The following SLC30A6 variants were observed in gnomAD, a reference collection of about 807,000 sequenced individuals.
SLC30A6 encodes zinc transporter 6.
SLC30A6 carries 55 observed loss-of-function variants against 63.0 expected under a neutral mutation model. The ratio of observed to expected loss-of-function variants is 0.87; its 90% CI spans 0.70 to 1.09. SLC30A6 has a LOEUF of 1.09. SLC30A6 is among the 50% of genes least tolerant of loss of function. The pLI, the probability that SLC30A6 is intolerant of heterozygous loss-of-function variation, is 0.00. For missense variants in SLC30A6, 587 were observed against 549.2 expected (o/e 1.07, Z -0.69); for synonymous variants, 224 against 186.1 (o/e 1.20, Z -1.66).
chr2:32,200,469 A>G (rs1684188974), intron 10 of SLC30A6, among the ~76,000 whole-genome samples: 2 of 151,572 alleles, frequency 1.3e-5, no homozygotes, highest in South Asian at 4.2e-4. Context: ...CTGTGTAGAA[A>G]GAAGTAGACA....
intron 1 of SLC30A6, among the ~76,000 whole-genome samples, chr2:32,169,338 T>C (rs995195320): frequency 6.6e-6 from 1 of 152,056 alleles, no homozygotes; most frequent in African/African-American, 2.4e-5. Context: ...CTGGCTAATT[T>C]TTTTCTTTTC....
At position 32,197,723 on chromosome 2, in the gene SLC30A6, C is replaced by G. The variant is rs765752469; in HGVS notation, c.562C>G (p.Pro188Ala). ...TTTTCTTAGCTTGTGTGGAATTATTCCGGGACTTAGCAGTATCTTCCTTCC... is the reference window on the plus strand; with the variant it reads ...TTTTCTTAGCTTGTGTGGAATTATTGCGGGACTTAGCAGTATCTTCCTTCC... ...DLSRSLCGII[P>A]GLSSIFLPRM... Residue 188 changes from proline to alanine, a missense_variant, in exon 10 of 14, where the codon CCG becomes GCG. Coordinates refer to ENST00000282587, the MANE Select transcript of SLC30A6 (RefSeq NM_017964.5). 3 of 1,613,930 alleles carry G rather than the reference C, an allele frequency of 1.9e-6. No homozygotes were observed. Among genetic ancestry groups the G allele is most frequent in the Non-Finnish European group, 2.5e-6 (3 of 1,179,998 alleles).
intron 7 of SLC30A6, among the ~76,000 whole-genome samples, chr2:32,193,674 A>G (rs1045538281): frequency 6.6e-6 from 1 of 152,210 alleles, no homozygotes; most frequent in Non-Finnish European, 1.5e-5. Flanking sequence ...TGTTAATGCT[A>G]AAAGTCCTTA....
intron 1 of SLC30A6, among the ~76,000 whole-genome samples, chr2:32,167,447 G>A (rs1488382276): frequency 6.7e-6 from 1 of 149,518 alleles, no homozygotes; most frequent in Admixed American, 6.7e-5. Context: ...ACAGTGAATA[G>A]CTTGCAAATC....
At chr2:32,193,445 G>C (rs1683514720) in intron 7 of SLC30A6, among the ~76,000 whole-genome samples, 2 of 151,912 alleles carry the variant, frequency 1.3e-5, no homozygotes, top group African/African-American at 4.8e-5. Context: ...CATATATATT[G>C]CAACTATGTG....
chr2:32,204,712 G>A lies in SLC30A6; in HGVS notation c.768+20G>A. The A allele has an allele frequency of 6.7e-7, 1 of 1,490,986 alleles. No homozygotes were observed. The highest frequency in any genetic ancestry group is 1.2e-5 in the South Asian group (1 of 83,678). 92.4% of individuals were successfully genotyped at this position (1,490,986 alleles called of 1,614,324 possible). On this transcript the variant is annotated intron_variant, in intron 11 of 13. Transcript: ENST00000282587. ...CTCCAGGTAAGGTGCTTCTTCCAATGCACGTGCTTAATATTAGCCATGTTC... is the reference window on the plus strand; with the variant it reads ...CTCCAGGTAAGGTGCTTCTTCCAATACACGTGCTTAATATTAGCCATGTTC...
intron 1 of SLC30A6, among the ~76,000 whole-genome samples, chr2:32,170,035 T>A (rs1681056000): frequency 6.6e-6 from 1 of 152,150 alleles, no homozygotes; most frequent in Non-Finnish European, 1.5e-5. Context: ...TTTTTTTCAG[T>A]TTGACCTTCT....
At chr2:32,187,011 A>G (rs1682886743) in intron 5 of SLC30A6, 3 of 356,524 alleles carry the variant, frequency 8.4e-6, no homozygotes, top group South Asian at 4.4e-5. Flanking sequence ...AAAAAAAAAA[A>G]AAAAGAAAGA....
chr2:32,182,415 T>C (rs1013994762), intron 4 of SLC30A6, among the ~76,000 whole-genome samples: 2 of 152,210 alleles, frequency 1.3e-5, no homozygotes, highest in Non-Finnish European at 2.9e-5. Flanking sequence ...AACCCTGTCA[T>C]GATGAGTGTG....
chr2:32,181,354 A>T (rs1430047565), intron 4 of SLC30A6, among the ~76,000 whole-genome samples: 1 of 152,192 alleles, frequency 6.6e-6, no homozygotes, highest in African/African-American at 2.4e-5. Flanking sequence ...ATGTACTGTA[A>T]GTTGTAAGAC....
At chr2:32,181,928 CTTTTCTT>C (rs1168314119) in intron 4 of SLC30A6, among the ~76,000 whole-genome samples, 2 of 138,274 alleles carry the variant, frequency 1.4e-5, no homozygotes, top group African/African-American at 5.4e-5. Context: ...TTTCGTTTTT[CTTTTCTT>C]TTTTTTTTTT....
At chr2:32,213,451 T>C (rs1685429444) in intron 13 of SLC30A6, among the ~76,000 whole-genome samples, 1 of 152,138 alleles carries the variant, frequency 6.6e-6, no homozygotes, top group Non-Finnish European at 1.5e-5. Flanking sequence ...GCTTTTCTCA[T>C]ATTGGCTGTC....
At chr2:32,185,028 T>G (rs554814607) in intron 5 of SLC30A6, among the ~76,000 whole-genome samples, 1 of 152,310 alleles carries the variant, frequency 6.6e-6, no homozygotes, top group Non-Finnish European at 1.5e-5. Flanking sequence ...CATCTGAAAC[T>G]GGATTTGTGA....
At chr2:32,176,665 A>G (rs1681773677) in intron 4 of SLC30A6, among the ~76,000 whole-genome samples, 1 of 152,096 alleles carries the variant, frequency 6.6e-6, no homozygotes, top group South Asian at 2.1e-4. Flanking sequence ...CTCAAAAAAA[A>G]AAAAGGCTTT....
intron 5 of SLC30A6, among the ~76,000 whole-genome samples, chr2:32,188,655 CTG>C (rs1171548926): frequency 7.2e-5 from 11 of 152,146 alleles, no homozygotes; most frequent in African/African-American, 2.7e-4. Context: ...GATTGTGCCA[CTG>C]TACTCCATCC....
intron 11 of SLC30A6, among the ~76,000 whole-genome samples, chr2:32,205,152 G>A (rs1684638159): frequency 6.6e-6 from 1 of 152,104 alleles, no homozygotes; most frequent in South Asian, 2.1e-4. Context: ...CAGGAGAGGT[G>A]GCTCACGCTT....
intron 4 of SLC30A6, among the ~76,000 whole-genome samples, chr2:32,184,005 T>A (rs905298307): frequency 5.9e-5 from 9 of 152,224 alleles, no homozygotes; most frequent in Non-Finnish European, 1.2e-4. Context: ...ATTTAGGTTC[T>A]ACTTTACTGA....
At chr2:32,191,178 C>G (rs1683291181) in intron 5 of SLC30A6, among the ~76,000 whole-genome samples, 1 of 152,208 alleles carries the variant, frequency 6.6e-6, no homozygotes, top group Admixed American at 6.5e-5. Flanking sequence ...CAGCTTCTCA[C>G]CTTCCACAAA....
chr2:32,196,870 G>A (rs967662162), intron 8 of SLC30A6, among the ~76,000 whole-genome samples: 3 of 152,154 alleles, frequency 2.0e-5, no homozygotes, highest in African/African-American at 7.2e-5. Flanking sequence ...AGACCAGCCT[G>A]ACCAACATGG....
Sources: allele counts gnomAD v4.1 joint callset (sites outside exome capture counted in the v4.1 genomes callset), GRCh38; gene constraint gnomAD v4.1.1; transcripts MANE v1.5; gene names NCBI Gene and HGNC (gene_info 2026-07-23, HGNC 2026-07-21).